Variants in SSH1 observed in about 807,000 individuals in gnomAD.
SSH1 encodes protein phosphatase Slingshot homolog 1.
Under a neutral mutation model 79.7 loss-of-function variants are expected in SSH1, and 43 were observed. The ratio of observed to expected loss-of-function variants is 0.54; its 90% CI spans 0.42 to 0.70. SSH1 has a LOEUF of 0.70. Among genes scored for constraint, SSH1 ranks in the 30% least tolerant of loss-of-function variants. The pLI is 0.00. For missense variants in SSH1, 1,206 were observed against 1,358.8 expected, an observed-to-expected ratio of 0.89 and a Z score of 1.77; for synonymous variants, 599 against 538.3, an observed-to-expected ratio of 1.11 and a Z score of -1.56.
In SSH1 at chr12:108,788,234, G is replaced by A. The variant is rs182605349; in HGVS notation, c.2904C>T (p.Thr968=). Residue 968 remains threonine, a synonymous_variant, in exon 15 of 15, where the codon ACC becomes ACT. Coordinates refer to ENST00000326495, the MANE Select transcript of SSH1 (RefSeq NM_018984.4). ...GTGAGCGCTTCAGTGGGGAAGAGAC[G>A]GTGAGGCCCGCCAGCCGGAGCCGGG... ...IETRLRLAGL[T]VSSPLKRSHS... The A allele has an allele frequency of 1.0e-3, 1,673 of 1,613,852 alleles. 20 individuals are homozygous for A. In the South Asian group the frequency reaches 0.012, roughly 11 times the overall value.
rs141273668 is a variant in SSH1 at position 108,790,410 on chromosome 12, A to G, written c.1894-1166T>C. Among the ~76,000 whole-genome samples, 933 of 152,204 alleles carry G rather than the reference A, an allele frequency of 6.1e-3. 14 individuals are homozygous for G. Among genetic ancestry groups the G allele is most frequent in the African/African-American group, 0.021 (859 of 41,520 alleles). On this transcript the variant is annotated intron_variant, in intron 14 of 14. Coordinates refer to ENST00000326495, the MANE Select transcript of SSH1 (RefSeq NM_018984.4). ...GATGATCTGCCCGCCTCAGCCTCTC[A>G]AAGTGCTGGGATTACAGGCGTGCGG... is the stretch of plus-strand genomic sequence containing the variant.
intron 3 of SSH1, among the ~76,000 whole-genome samples, chr12:108,820,331 A>G (rs986719404): frequency 1.3e-5 from 2 of 152,198 alleles, no homozygotes; most frequent in Admixed American, 6.5e-5. Context: ...AAGGGTTCAC[A>G]TTAAAGAAAG....
intron 3 of SSH1, among the ~76,000 whole-genome samples, chr12:108,822,288 C>T (rs559247454): frequency 6.6e-6 from 1 of 152,082 alleles, no homozygotes; most frequent in Non-Finnish European, 1.5e-5. Flanking sequence ...CATGCGCCAC[C>T]ACGCCCAGCT....
At chr12:108,814,879 G>A (rs1440800548) in intron 5 of SSH1, among the ~76,000 whole-genome samples, 1 of 152,100 alleles carries the variant, frequency 6.6e-6, no homozygotes, top group East Asian at 1.9e-4. Flanking sequence ...GTGCGGACGA[G>A]CGCACGGGCC....
chr12:108,799,571 G>A (rs1027466284), intron 12 of SSH1, among the ~76,000 whole-genome samples: 2 of 152,220 alleles, frequency 1.3e-5, no homozygotes, highest in African/African-American at 4.8e-5. Context: ...CCTGAGACGA[G>A]AGTGGGCAGC....
In SSH1 at chr12:108,829,336, C is replaced by T. The variant is rs532690605; in HGVS notation, c.111-5975G>A. Among the ~76,000 whole-genome samples the T allele has an allele frequency of 5.3e-5, 8 of 152,082 alleles. No individual in the cohort carries two copies. In the South Asian group the frequency reaches 1.7e-3, roughly 32 times the overall value. ...AGTGAGACACTGTCTTGGGCAGGGGCGGTGGGGAACAAAAGTAAAAACAAT... is the reference window on the plus strand; with the variant it reads ...AGTGAGACACTGTCTTGGGCAGGGGTGGTGGGGAACAAAAGTAAAAACAAT... On this transcript the variant is annotated intron_variant, in intron 2 of 14. Coordinates refer to ENST00000326495, the MANE Select transcript of SSH1 (RefSeq NM_018984.4).
Position 108,788,189 on chromosome 12 carries a change from C to T in SSH1, c.2949G>A (p.Gly983=). Residue 983 remains glycine, a synonymous_variant, in exon 15 of 15, where the codon GGG becomes GGA. Transcript: ENST00000326495. ...LKRSHSLAKL[G]SLTFSTEDLS... ...GGTCTTCCGTTGAGAAGGTGAGACT[C>T]CCCAGCTTGGCAAGAGAGTGTGAGC... 1.9e-6 allele frequency: 3 copies of T among 1,613,970 alleles called. No individual in the cohort carries two copies. Among genetic ancestry groups the T allele is most frequent in the South Asian group, 2.2e-5 (2 of 91,064 alleles).
Position 108,792,589 on chromosome 12 carries a change from G to C in SSH1, c.1590C>G (p.Val530=), listed in dbSNP as rs1213807218. ...CCTCCCTCTCCGGATCCTCCAGGTG[G>C]ACCAAGCTGCCAGTTTCATCCTCAG... The part of the protein sequence containing the change: ...PSPEDETGSL[V]HLEDPEREAL... Residue 530 remains valine (V), a synonymous_variant, in exon 14 of 15, where the codon GTC becomes GTG. Transcript: ENST00000326495. 2 of 1,612,724 alleles carry C rather than the reference G, an allele frequency of 1.2e-6. No homozygotes were observed.
rs2136961028 is a variant in SSH1 at position 108,789,057 on chromosome 12, A to G, written c.2081T>C (p.Leu694Ser). The stretch of plus-strand genomic sequence containing the variant: ...CTCCGGAACACGGGACCTGCTGGCC[A>G]AGTGGGCCACAGGGGAGGACGTGAT... ...PHITSSPVAH[L>S]ASRSRVPEKP... The change falls in exon 15 of 15, where the codon TTG (leucine) becomes TCG (serine). Residue 694 changes from leucine to serine, a missense_variant. Around this residue, in one of 5 missense-constraint regions of SSH1, gnomAD observed 709 missense variants for 730.6 expected, o/e 0.97. Coordinates refer to ENST00000326495, the MANE Select transcript of SSH1 (RefSeq NM_018984.4). 6.2e-7 allele frequency: 1 copy of G among 1,610,238 alleles called. No individual in the cohort carries two copies.
At chr12:108,852,728 G>A (rs372740490) in intron 1 of SSH1, 50 bp from the exon 2 acceptor site, 78 of 1,612,716 alleles carry the variant, frequency 4.8e-5, no homozygotes, top group Middle Eastern at 1.7e-4. Context: ...CTGTCAACAC[G>A]CCTCGGGCGG....
chr12:108,808,749 G>A (rs927239881), intron 7 of SSH1, among the ~76,000 whole-genome samples: 4 of 150,416 alleles, frequency 2.7e-5, no homozygotes, highest in Non-Finnish European at 5.9e-5. Context: ...GAAACTAACT[G>A]AAGAGGTTTG....
intron 3 of SSH1, among the ~76,000 whole-genome samples, chr12:108,820,119 C>T (rs1259948635): frequency 1.3e-5 from 2 of 151,866 alleles, no homozygotes; most frequent in Non-Finnish European, 2.9e-5. Flanking sequence ...CTCAAATGAT[C>T]CTCTCACCTC....
chr12:108,804,970 T>C, intron 10 of SSH1, 86 bp downstream of exon 10: 2 of 1,555,248 alleles, frequency 1.3e-6, no homozygotes. Context: ...GCCTGCTTTT[T>C]CTCCCGGACT....
chr12:108,817,269 T>C, intron 4 of SSH1, 110 bp from the exon 5 acceptor site: 3 of 1,512,628 alleles, frequency 2.0e-6, no homozygotes, highest in Non-Finnish European at 2.7e-6. Context: ...CCTCTGGGAG[T>C]TAAAAATGAA....
In SSH1 at chr12:108,786,173, A is replaced by G. The variant is rs1246478496; in HGVS notation, c.*1815T>C. The G allele has an allele frequency of 6.6e-6, 1 of 152,192 alleles. No individual in the cohort carries two copies. Among genetic ancestry groups the G allele is most frequent in the African/African-American group, 2.4e-5 (1 of 41,440 alleles). The allele number at this position is 152,192 out of a possible 1,614,324, so 9.4% of individuals were successfully genotyped here. On this transcript the variant is annotated 3_prime_UTR_variant, in exon 15 of 15. Coordinates refer to ENST00000326495, the MANE Select transcript of SSH1 (RefSeq NM_018984.4). The stretch of plus-strand genomic sequence containing the variant: ...CTGGCCAATGTTAAGATGATGGCTC[A>G]CTCACTCACTTTCAGAATTCAGCTG...
At chr12:108,845,546 G>A (rs1357397217) in intron 2 of SSH1, among the ~76,000 whole-genome samples, 2 of 152,172 alleles carry the variant, frequency 1.3e-5, no homozygotes, top group African/African-American at 4.8e-5. Context: ...AATTGGCCAG[G>A]TGTGGTGGTA....
chr12:108,784,503 G>GGA lies in SSH1; in HGVS notation c.*3483_*3484dup, dbSNP rs1244207243. ...CAGAGGTTGGCTGGGGTCCCTGCAT[G>GGA]GAGAGCAAGGAAGCAGGGAATGTAA... is the stretch of plus-strand genomic sequence containing the variant. On this transcript the variant is annotated 3_prime_UTR_variant, in exon 15 of 15. Transcript: ENST00000326495. 6.6e-6 allele frequency: 1 copy of GGA among 152,234 alleles called. No individual in the cohort carries two copies. The highest frequency in any genetic ancestry group is 6.5e-5 in the Admixed American group (1 of 15,288). The allele number at this position is 152,234 out of a possible 1,614,324, so 9.4% of individuals were successfully genotyped here.
Position 108,793,169 on chromosome 12 carries a change from C to T in SSH1, c.1350-340G>A, listed in dbSNP as rs190297375. Among the ~76,000 whole-genome samples the T allele has an allele frequency of 4.5e-3, 688 of 152,270 alleles. 8 individuals are homozygous for T. Among genetic ancestry groups the T allele is most frequent in the Non-Finnish European group, 6.1e-3 (412 of 68,036 alleles). On this transcript the variant is annotated intron_variant, in intron 13 of 14. Coordinates refer to ENST00000326495, the MANE Select transcript of SSH1 (RefSeq NM_018984.4). ...GTCACGTCAGTTACACTCCATCTCTCATTTCTCTGTCAAATAAGAATAACA... is the reference window on the plus strand; with the variant it reads ...GTCACGTCAGTTACACTCCATCTCTTATTTCTCTGTCAAATAAGAATAACA...
intron 9 of SSH1, 89 bp from the exon 10 acceptor site, chr12:108,805,273 C>G (rs1025304044): frequency 6.8e-7 from 1 of 1,465,790 alleles, no homozygotes; most frequent in African/African-American, 1.4e-5. Flanking sequence ...GGAAACTGTG[C>G]CTATTTCCAA....
Sources: gnomAD v4.1 joint callset for allele counts (sites outside exome capture counted in the v4.1 genomes callset) on GRCh38, gnomAD v4.1.1 for gene constraint, gnomAD v4.1.1 regional missense constraint, MANE v1.5 for transcripts, NCBI Gene and HGNC (gene_info 2026-07-23, HGNC 2026-07-21) for gene names.